The following ARHGAP29 variants were observed in gnomAD, a reference collection of about 807,000 sequenced individuals.
ARHGAP29 encodes rho GTPase-activating protein 29.
A neutral mutation model predicts 122.6 loss-of-function variants in ARHGAP29; 43 were observed. The ratio of observed to expected loss-of-function variants is 0.35; its 90% CI spans 0.27 to 0.45. ARHGAP29 has a LOEUF of 0.45. Among genes scored for constraint, ARHGAP29 ranks in the 20% least tolerant of loss-of-function variants. ARHGAP29 has a pLI of 1.00. For synonymous variants in ARHGAP29, 506 were observed against 497.1 expected, an observed-to-expected ratio of 1.02 and a Z score of -0.24; for missense variants, 1,303 against 1,477.2, an observed-to-expected ratio of 0.88 and a Z score of 1.93.
chr1:94,211,265 C>T (rs532370121), intron 3 of ARHGAP29, among the ~76,000 whole-genome samples: 236 of 108,884 alleles, frequency 2.2e-3, no homozygotes, highest in Non-Finnish European at 3.4e-3. Context: ...CCAGCCTGGG[C>T]GACAGAGCAA....
At chr1:94,213,145 A>C (rs1197233262) in intron 3 of ARHGAP29, among the ~76,000 whole-genome samples, 1 of 152,096 alleles carries the variant, frequency 6.6e-6, no homozygotes, top group Non-Finnish European at 1.5e-5. Flanking sequence ...TTGGCTTTTC[A>C]CCCACTTTAA....
At chr1:94,211,808 T>C (rs1173941810) in intron 3 of ARHGAP29, among the ~76,000 whole-genome samples, 1 of 152,216 alleles carries the variant, frequency 6.6e-6, no homozygotes, top group Non-Finnish European at 1.5e-5. Flanking sequence ...ACAACGTGCA[T>C]GTTTGTTACA....
At chr1:94,263,009 G>A (rs759038604) in intron 1 of ARHGAP29, among the ~76,000 whole-genome samples, 5 of 152,098 alleles carry the variant, frequency 3.3e-5, no homozygotes, top group South Asian at 2.1e-4. Context: ...GCCCATCAAC[G>A]GTAATCTGGA....
rs1433037274 is a variant in ARHGAP29, at chr1:94,172,719, A to G, written c.*1150T>C. On this transcript the variant is annotated 3_prime_UTR_variant, in exon 23 of 23. Coordinates refer to ENST00000260526, the MANE Select transcript of ARHGAP29 (RefSeq NM_004815.4). ...AGTCTACTTATTTTTTGTCCCTTTTATATCCTATTTTAGGCAAAATGATAA... is the reference window on the plus strand; with the variant it reads ...AGTCTACTTATTTTTTGTCCCTTTTGTATCCTATTTTAGGCAAAATGATAA... 1 of 152,230 alleles carries G rather than the reference A, an allele frequency of 6.6e-6. No homozygotes were observed. Among genetic ancestry groups the G allele is most frequent in the Non-Finnish European group, 1.5e-5 (1 of 67,928 alleles). 9.4% of individuals were successfully genotyped at this position (152,230 alleles called of 1,614,324 possible). A position where few individuals can be genotyped will look rare whatever the true frequency, so the allele number is the denominator to read the frequency against.
chr1:94,277,669 A>AAAG (rs1447733745), upstream of ARHGAP29, among the ~76,000 whole-genome samples: 3 of 152,164 alleles, frequency 2.0e-5, no homozygotes, highest in Admixed American at 2.0e-4. Flanking sequence ...TTTAGCATAT[A>AAAG]AAGAAGTTAA....
intron 1 of ARHGAP29, among the ~76,000 whole-genome samples, chr1:94,254,349 A>C (rs142456062): frequency 1.4e-3 from 214 of 152,318 alleles, no homozygotes; most frequent in African/African-American, 4.4e-3. Flanking sequence ...TACTAGCCAA[A>C]AAACTGATGA....
the ARHGAP29 span, among the ~76,000 whole-genome samples, chr1:94,281,439 C>G: frequency 6.6e-6 from 1 of 152,142 alleles, no homozygotes; most frequent in Non-Finnish European, 1.5e-5. Flanking sequence ...TTGCTGGGAA[C>G]AGCCCAGCAC....
At chr1:94,285,362 G>A in the ARHGAP29 span, among the ~76,000 whole-genome samples, 79 of 152,046 alleles carry the variant, frequency 5.2e-4, no homozygotes, top group African/African-American at 1.3e-3. Context: ...ATACAGTCCC[G>A]GTCTCAAAGG....
At chr1:94,210,243 T>G (rs10732730) in intron 3 of ARHGAP29, among the ~76,000 whole-genome samples, 145,379 of 152,240 alleles carry the variant, frequency 0.95, 69,792 homozygotes, top group East Asian at 1. Context: ...GGAAGGAAGA[T>G]AAACCTTTTG....
chr1:94,181,258 C>G (rs1279830535), intron 19 of ARHGAP29, among the ~76,000 whole-genome samples: 1 of 152,208 alleles, frequency 6.6e-6, no homozygotes, highest in East Asian at 1.9e-4. Flanking sequence ...TCTGATTCTG[C>G]TGGAGCTATC....
chr1:94,199,821 T>C (rs1002710781), intron 12 of ARHGAP29, among the ~76,000 whole-genome samples: 12 of 152,308 alleles, frequency 7.9e-5, no homozygotes, highest in Admixed American at 3.9e-4. Flanking sequence ...CTGTGTGGAT[T>C]GACATGTCCC....
At chr1:94,287,034 C>T in the ARHGAP29 span, among the ~76,000 whole-genome samples, 5 of 152,168 alleles carry the variant, frequency 3.3e-5, no homozygotes, top group Non-Finnish European at 7.3e-5. Context: ...CTGCCACACC[C>T]ACCAGACAAC....
intron 1 of ARHGAP29, among the ~76,000 whole-genome samples, chr1:94,252,336 G>A (rs564596027): frequency 6.6e-6 from 1 of 152,310 alleles, no homozygotes; most frequent in East Asian, 1.9e-4. Context: ...GTAACTTAAG[G>A]AAGAACGCTT....
intron 12 of ARHGAP29, 107 bp from the exon 13 acceptor site, chr1:94,190,190 C>A: frequency 8.8e-7 from 1 of 1,135,862 alleles, no homozygotes; most frequent in South Asian, 1.5e-5. Context: ...TACAGTGAAG[C>A]ATACAACACT....
the ARHGAP29 span, chr1:94,302,684 C>T: frequency 2.2e-6 from 1 of 445,478 alleles, no homozygotes; most frequent in South Asian, 1.6e-5. Flanking sequence ...AGGTCATCCC[C>T]AAGCCGAACA....
At chr1:94,254,876 T>C (rs552885329) in intron 1 of ARHGAP29, among the ~76,000 whole-genome samples, 4 of 152,266 alleles carry the variant, frequency 2.6e-5, no homozygotes, top group Non-Finnish European at 5.9e-5. Flanking sequence ...CCAATAACAA[T>C]GTTGTATTCA....
rs149520935 is a variant in ARHGAP29 at position 94,186,636 on chromosome 1, T to C, written c.1682-39A>G. ...GTGGATACAATTACCTGACCATTCATTGTAGAATCTTTGAAATAGGAAATG... is the reference window on the plus strand; with the variant it reads ...GTGGATACAATTACCTGACCATTCACTGTAGAATCTTTGAAATAGGAAATG... On this transcript the variant is annotated intron_variant, in intron 15 of 22. Transcript: ENST00000260526. 2.7e-4 allele frequency: 380 copies of C among 1,382,296 alleles called. 1 individual carries two copies. The African/African-American group carries it at 4.9e-3, about 18-fold the overall frequency. 85.6% of individuals were successfully genotyped at this position (1,382,296 alleles called of 1,614,324 possible). A position where few individuals can be genotyped will look rare whatever the true frequency, so the allele number is the denominator to read the frequency against.
At chr1:94,218,770 C>T (rs1334650012) in intron 3 of ARHGAP29, among the ~76,000 whole-genome samples, 1 of 152,164 alleles carries the variant, frequency 6.6e-6, no homozygotes, top group African/African-American at 2.4e-5. Flanking sequence ...ACCACACAAA[C>T]ATGATAAATC....
At chr1:94,220,762 G>C (rs1652245685) in intron 2 of ARHGAP29, among the ~76,000 whole-genome samples, 1 of 151,798 alleles carries the variant, frequency 6.6e-6, no homozygotes, top group South Asian at 2.1e-4. Context: ...GTAACTCTTA[G>C]GCATATAAAG....
Sources: gnomAD v4.1 joint callset for allele counts (sites outside exome capture counted in the v4.1 genomes callset) on GRCh38, gnomAD v4.1.1 for gene constraint, MANE v1.5 for transcripts, NCBI Gene and HGNC (gene_info 2026-07-23, HGNC 2026-07-21) for gene names.